UBE2E1: variants seen among roughly 807,000 people sequenced by gnomAD.
UBE2E1 encodes the protein ubiquitin conjugating enzyme E2 E1, also known as ubiquitin-conjugating enzyme E2 E1.
A neutral mutation model predicts 21.4 loss-of-function variants in UBE2E1; 6 were observed. The ratio of observed to expected loss-of-function variants is 0.28; its 90% CI spans 0.15 to 0.55. UBE2E1 has a LOEUF of 0.55. Ranked by LOEUF, UBE2E1 falls within the 20% of genes least tolerant of loss-of-function variation. UBE2E1 has a pLI of 0.93. For synonymous variants in UBE2E1, 87 were observed against 82.7 expected (o/e 1.05, Z -0.28); for missense variants, 142 against 236.5 (o/e 0.60, Z 2.62).
chr3:23,838,228 T>C (rs1053730228), intron 3 of UBE2E1, among the ~76,000 whole-genome samples: 3 of 151,952 alleles, frequency 2.0e-5, no homozygotes, highest in Non-Finnish European at 4.4e-5. Flanking sequence ...CCACCACACC[T>C]GGTTAATTTT....
chr3:23,819,240 C>T lies in UBE2E1; in HGVS notation c.203+7730C>T, dbSNP rs150378255. ...CAGGGGTTGCAGTGAACCAAGATTG[C>T]GCCACTGCACTCCAGCCTGGGTGAC... On this transcript the variant is annotated intron_variant, in intron 3 of 5. Transcript: ENST00000306627. 5.5e-3 allele frequency among the ~76,000 whole-genome samples: 836 copies of T among 152,196 alleles called. 9 individuals carry two copies. The highest frequency in any genetic ancestry group is 0.019 in the African/African-American group (787 of 41,512).
chr3:23,855,727 G>C lies in UBE2E1; in HGVS notation c.204-31840G>C, dbSNP rs1361015826. ...CGCCTGTAGTCCCAGCTACTCAGGA[G>C]GCTGAGGCAGGAGAATGGCGTGAAC... On this transcript the variant is annotated intron_variant, in intron 3 of 5. Coordinates refer to ENST00000306627, the MANE Select transcript of UBE2E1 (RefSeq NM_003341.5). 3.3e-5 allele frequency among the ~76,000 whole-genome samples: 5 copies of C among 152,184 alleles called. No individual in the cohort carries two copies. The East Asian group carries it at 7.8e-4, about 24-fold the overall frequency.
At chr3:23,878,337 G>A (rs1319503460) in intron 3 of UBE2E1, among the ~76,000 whole-genome samples, 1 of 152,188 alleles carries the variant, frequency 6.6e-6, no homozygotes, top group Non-Finnish European at 1.5e-5. Flanking sequence ...ACTCCCCACA[G>A]ATTAAAAGGT....
chr3:23,830,453 G>A (rs2125293321), intron 3 of UBE2E1, among the ~76,000 whole-genome samples: 1 of 116,624 alleles, frequency 8.6e-6, no homozygotes, highest in Admixed American at 8.8e-5. Context: ...TTGGCAAGCT[G>A]AAGTCATCTG....
intron 3 of UBE2E1, among the ~76,000 whole-genome samples, chr3:23,871,148 A>G (rs1453109899): frequency 6.6e-6 from 1 of 152,156 alleles, no homozygotes; most frequent in Non-Finnish European, 1.5e-5. Context: ...TCTATTCCAC[A>G]AAACCGCCAT....
At chr3:23,822,520 G>T (rs1298920647) in intron 3 of UBE2E1, among the ~76,000 whole-genome samples, 1 of 151,652 alleles carries the variant, frequency 6.6e-6, no homozygotes, top group Non-Finnish European at 1.5e-5. Flanking sequence ...TCTACTTTAC[G>T]AGATTCAAGT....
At chr3:23,862,090 G>A (rs181276875) in intron 3 of UBE2E1, among the ~76,000 whole-genome samples, 1 of 152,216 alleles carries the variant, frequency 6.6e-6, no homozygotes. Flanking sequence ...CCGCCTGTCT[G>A]TATGCTCCCC....
At chr3:23,884,929 A>C (rs188682784) in intron 3 of UBE2E1, among the ~76,000 whole-genome samples, 27 of 152,290 alleles carry the variant, frequency 1.8e-4, no homozygotes, top group Admixed American at 4.6e-4. Flanking sequence ...TTATTTTCAT[A>C]TATAGTCCAC....
Position 23,807,431 on chromosome 3 carries a change from T to C in UBE2E1, c.152+10T>C. 6.9e-6 allele frequency: 11 copies of C among 1,587,654 alleles called. No individual in the cohort carries two copies. The highest frequency in any genetic ancestry group is 2.3e-5 in the South Asian group (2 of 85,502). On this transcript the variant is annotated intron_variant, in intron 2 of 5. Transcript: ENST00000306627. Reference sequence around the variant, plus strand: ...CCACCAGCGCCAAGAGGTACTGTGCTCTTTTTTTTTTCCACAGGCTTCCTA... The same window carrying C: ...CCACCAGCGCCAAGAGGTACTGTGCCCTTTTTTTTTTCCACAGGCTTCCTA...
chr3:23,814,652 A>G (rs865957170), intron 3 of UBE2E1, among the ~76,000 whole-genome samples: 1 of 152,188 alleles, frequency 6.6e-6, no homozygotes, highest in South Asian at 2.1e-4. Context: ...TTAGATTGTA[A>G]AATTATGCCT....
At chr3:23,822,942 G>T (rs1212656086) in intron 3 of UBE2E1, among the ~76,000 whole-genome samples, 2 of 150,926 alleles carry the variant, frequency 1.3e-5, no homozygotes, top group Non-Finnish European at 3.0e-5. Flanking sequence ...TGCCTCCCGG[G>T]TTCTAGCGAT....
intron 3 of UBE2E1, among the ~76,000 whole-genome samples, chr3:23,877,167 C>T (rs1559492891): frequency 6.6e-6 from 1 of 152,170 alleles, no homozygotes; most frequent in Non-Finnish European, 1.5e-5. Flanking sequence ...CTAACAAACT[C>T]CCAGGGGATG....
intron 3 of UBE2E1, among the ~76,000 whole-genome samples, chr3:23,859,406 C>T (rs183439022): frequency 6.6e-6 from 1 of 152,324 alleles, no homozygotes; most frequent in African/African-American, 2.4e-5. Flanking sequence ...AGCACATGCC[C>T]CATGACTCTC....
intron 3 of UBE2E1, among the ~76,000 whole-genome samples, chr3:23,814,105 C>T (rs566571800): frequency 7.2e-5 from 11 of 151,888 alleles, no homozygotes; most frequent in African/African-American, 1.2e-4. Context: ...AAAAATTAGC[C>T]GGGCATGGTG....
chr3:23,884,339 C>T (rs1370304761), intron 3 of UBE2E1, among the ~76,000 whole-genome samples: 1 of 152,172 alleles, frequency 6.6e-6, no homozygotes, highest in Non-Finnish European at 1.5e-5. Flanking sequence ...AACTGGTTGT[C>T]CCACTAGTAA....
At chr3:23,865,038 T>G (rs1700626263) in intron 3 of UBE2E1, among the ~76,000 whole-genome samples, 1 of 152,238 alleles carries the variant, frequency 6.6e-6, no homozygotes, top group Non-Finnish European at 1.5e-5. Context: ...TACTGCAAAT[T>G]TAGCAGCCCA....
At chr3:23,843,351 T>C (rs936780724) in intron 3 of UBE2E1, among the ~76,000 whole-genome samples, 14 of 152,204 alleles carry the variant, frequency 9.2e-5, no homozygotes, top group Admixed American at 8.5e-4. Flanking sequence ...CTGTGCACAA[T>C]GTTTTATGAG....
chr3:23,847,679 T>C (rs1700236868), intron 3 of UBE2E1, among the ~76,000 whole-genome samples: 1 of 151,790 alleles, frequency 6.6e-6, no homozygotes, highest in African/African-American at 2.4e-5. Context: ...TAATTTTTAT[T>C]AGAGACGGGG....
intron 3 of UBE2E1, among the ~76,000 whole-genome samples, chr3:23,877,986 GC>G (rs2125324509): frequency 6.6e-6 from 1 of 152,186 alleles, no homozygotes; most frequent in South Asian, 2.1e-4. Context: ...CCCTGCCTCT[GC>G]CCCTTCCTTC....
Sources: allele counts gnomAD v4.1 joint callset (sites outside exome capture counted in the v4.1 genomes callset), GRCh38; gene constraint gnomAD v4.1.1; transcripts MANE v1.5; gene names NCBI Gene and HGNC (gene_info 2026-07-23, HGNC 2026-07-21).